Variants in SYT1 observed in about 807,000 individuals in gnomAD.
SYT1 encodes synaptotagmin 1.
SYT1 carries 8 observed loss-of-function variants against 44.8 expected under a neutral mutation model. The ratio of observed to expected loss-of-function variants is 0.18; its 90% confidence interval spans 0.10 to 0.32. The LOEUF (loss-of-function observed/expected upper bound fraction) is 0.32. SYT1 is among the 10% of genes least tolerant of loss of function. The pLI is 1.00. For synonymous variants in SYT1, 154 were observed against 188.8 expected (o/e 0.82, Z 1.51); for missense variants, 286 against 509.3 (o/e 0.56, Z 4.22).
chr12:79,054,006 C>T (rs1316817449), intron 3 of SYT1, among the ~76,000 whole-genome samples: 3 of 151,936 alleles, frequency 2.0e-5, no homozygotes, highest in Non-Finnish European at 4.4e-5. Flanking sequence ...ATTTATTGGG[C>T]TCTTGTTTTG....
intron 5 of SYT1, among the ~76,000 whole-genome samples, chr12:79,288,927 A>G (rs954797320): frequency 5.3e-5 from 8 of 152,152 alleles, no homozygotes; most frequent in African/African-American, 2.4e-5. Flanking sequence ...AGCTGAGGGT[A>G]TATCATTCTG....
At chr12:79,440,498 G>A (rs896266775) in intron 9 of SYT1, among the ~76,000 whole-genome samples, 1 of 152,138 alleles carries the variant, frequency 6.6e-6, no homozygotes, top group African/African-American at 2.4e-5. Context: ...TTGGTTGCAG[G>A]TTTCCTATGC....
chr12:79,239,190 G>A (rs1160437095), intron 4 of SYT1, among the ~76,000 whole-genome samples: 6 of 152,136 alleles, frequency 3.9e-5, no homozygotes, highest in African/African-American at 1.4e-4. Flanking sequence ...GTTTTCTATT[G>A]CTGCATAAAA....
At chr12:79,349,178 C>A (rs544081765) in intron 8 of SYT1, among the ~76,000 whole-genome samples, 1 of 141,768 alleles carries the variant, frequency 7.1e-6, no homozygotes, top group Non-Finnish European at 1.5e-5. Flanking sequence ...AAAGAAGGGA[C>A]GGAGGGAAGG....
intron 3 of SYT1, among the ~76,000 whole-genome samples, chr12:79,097,762 A>G (rs775752125): frequency 3.3e-5 from 5 of 152,064 alleles, no homozygotes; most frequent in Non-Finnish European, 5.9e-5. Flanking sequence ...CTGTACATTT[A>G]TATTTAATAA....
intron 8 of SYT1, among the ~76,000 whole-genome samples, chr12:79,345,104 T>C (rs17005500): frequency 0.11 from 17,458 of 152,030 alleles, 1,753 homozygotes; most frequent in African/African-American, 0.28. Flanking sequence ...TTATCTCAGC[T>C]CAGGTAACCG....
intron 9 of SYT1, among the ~76,000 whole-genome samples, chr12:79,431,151 A>G (rs1480011487): frequency 6.6e-6 from 1 of 152,232 alleles, no homozygotes; most frequent in Non-Finnish European, 1.5e-5. Flanking sequence ...AGACAGTCCT[A>G]GCATTTGTTC....
intron 8 of SYT1, among the ~76,000 whole-genome samples, chr12:79,335,779 T>C (rs1223840008): frequency 6.6e-6 from 1 of 152,192 alleles, no homozygotes; most frequent in Non-Finnish European, 1.5e-5. Flanking sequence ...TTTCTTCTCA[T>C]GTGATTTGTC....
At chr12:79,075,644 G>A (rs570051380) in intron 3 of SYT1, among the ~76,000 whole-genome samples, 1 of 152,094 alleles carries the variant, frequency 6.6e-6, no homozygotes, top group Non-Finnish European at 1.5e-5. Context: ...TAAGAATATC[G>A]GCTATTTGAT....
At chr12:79,399,839 C>A (rs1885011422) in intron 9 of SYT1, among the ~76,000 whole-genome samples, 2 of 152,216 alleles carry the variant, frequency 1.3e-5, no homozygotes, top group South Asian at 4.1e-4. Context: ...TATAGGGCCA[C>A]ACCCTGAGTA....
intron 5 of SYT1, among the ~76,000 whole-genome samples, chr12:79,287,935 T>A (rs1463379617): frequency 6.6e-6 from 1 of 152,176 alleles, no homozygotes; most frequent in African/African-American, 2.4e-5. Context: ...TTATTTAGAA[T>A]TTCAACCACT....
At chr12:78,874,860 T>C (rs1484595588) in intron 1 of SYT1, among the ~76,000 whole-genome samples, 1 of 151,506 alleles carries the variant, frequency 6.6e-6, no homozygotes, top group Non-Finnish European at 1.5e-5. Context: ...ATTGGCTGAG[T>C]TGATTGTTAT....
At chr12:79,000,829 G>A (rs376289704) in intron 2 of SYT1, among the ~76,000 whole-genome samples, 2 of 151,922 alleles carry the variant, frequency 1.3e-5, no homozygotes, top group Admixed American at 6.6e-5. Context: ...TAGACCAAGT[G>A]GTTTACCTTT....
intron 1 of SYT1, among the ~76,000 whole-genome samples, chr12:78,945,875 T>G (rs1383680038): frequency 1.3e-5 from 2 of 152,162 alleles, no homozygotes; most frequent in East Asian, 1.9e-4. Context: ...CTTCTTGGTT[T>G]TACCACTTTT....
At chr12:79,249,406 C>CT (rs1021060344) in intron 4 of SYT1, among the ~76,000 whole-genome samples, 25 of 152,128 alleles carry the variant, frequency 1.6e-4, no homozygotes, top group African/African-American at 6.0e-4. Flanking sequence ...GCCCGGCCCT[C>CT]TTTACCTCTT....
At chr12:79,361,894 T>C (rs2136026159) in intron 9 of SYT1, among the ~76,000 whole-genome samples, 1 of 152,354 alleles carries the variant, frequency 6.6e-6, no homozygotes, top group South Asian at 2.1e-4. Flanking sequence ...GGGCTAATTC[T>C]GTAAAGGAGT....
At chr12:79,320,578 G>T (rs2138975448) in intron 8 of SYT1, among the ~76,000 whole-genome samples, 1 of 151,464 alleles carries the variant, frequency 6.6e-6, no homozygotes, top group Middle Eastern at 3.5e-3. Context: ...CATATCAGCT[G>T]GTGCTATGGC....
At chr12:79,029,216 C>T (rs1872699057) in intron 2 of SYT1, among the ~76,000 whole-genome samples, 1 of 150,942 alleles carries the variant, frequency 6.6e-6, no homozygotes, top group Admixed American at 6.6e-5. Flanking sequence ...GTTTTATAGC[C>T]TTTGTTAATG....
chr12:78,943,545 C>G (rs11111992), intron 1 of SYT1, among the ~76,000 whole-genome samples: 1 of 151,994 alleles, frequency 6.6e-6, no homozygotes. Flanking sequence ...CCCCCATGAT[C>G]TAGTCATCTC....
Sources: gnomAD v4.1 joint callset for allele counts (sites outside exome capture counted in the v4.1 genomes callset) on GRCh38, gnomAD v4.1.1 for gene constraint, MANE v1.5 for transcripts, NCBI Gene and HGNC (gene_info 2026-07-23, HGNC 2026-07-21) for gene names.